Variants in LGALS3 observed in about 807,000 individuals in gnomAD.
LGALS3 encodes the protein galectin 3.
In LGALS3, 18 loss-of-function variants were observed where a neutral mutation model predicts 20.7. That is an observed-to-expected ratio of 0.87 (90% confidence interval 0.60 to 1.29). LGALS3 has a LOEUF of 1.29. Ranked by LOEUF, LGALS3 falls within the 50% of genes most tolerant of loss-of-function variation. The pLI, the probability that LGALS3 is intolerant of heterozygous loss-of-function variation, is 0.00. For missense variants in LGALS3, 315 were observed against 314.7 expected (o/e 1.00, Z -0.01); for synonymous variants, 112 against 119.6 (o/e 0.94, Z 0.42).
chr14:55,144,163 CAG>C (rs1038603179), intron 5 of LGALS3, among the ~76,000 whole-genome samples: 1 of 152,164 alleles, frequency 6.6e-6, no homozygotes, highest in Non-Finnish European at 1.5e-5. Context: ...TGTTTTGAGA[CAG>C]GGTCTCACAC....
At chr14:55,136,679 TTA>T (rs1441509933) in intron 1 of LGALS3, among the ~76,000 whole-genome samples, 2 of 152,324 alleles carry the variant, frequency 1.3e-5, no homozygotes, top group Middle Eastern at 3.4e-3. Context: ...AGTTATACTT[TTA>T]GTTATTTTCA....
intron 3 of LGALS3, 126 bp from the exon 4 acceptor site, chr14:55,140,149 C>A: frequency 1.6e-6 from 1 of 609,996 alleles, no homozygotes; most frequent in Non-Finnish European, 2.9e-6. Flanking sequence ...AGAGTCTGGA[C>A]AGATGGCATA....
intron 1 of LGALS3, among the ~76,000 whole-genome samples, chr14:55,135,682 A>G (rs1200629147): frequency 6.8e-6 from 1 of 146,360 alleles, no homozygotes. Flanking sequence ...CTCCCACCTC[A>G]GCCCCTCGAG....
In LGALS3 at chr14:55,137,736, C is replaced by T. The variant is rs78054476; in HGVS notation, c.19-309C>T. On this transcript the variant is annotated intron_variant, in intron 2 of 5. Transcript: ENST00000254301. The stretch of plus-strand genomic sequence containing the variant: ...CTGATGTTTGTGATTGTTTTTCTCA[C>T]GGTGATGAAAAAGTATGTGCTATAA... 7.0e-5 allele frequency: 93 copies of T among 1,331,722 alleles called. 1 individual carries two copies. The East Asian group carries it at 2.1e-3, about 30-fold the overall frequency. 82.5% of individuals were successfully genotyped at this position (1,331,722 alleles called of 1,614,324 possible).
intron 4 of LGALS3, among the ~76,000 whole-genome samples, chr14:55,140,829 G>A (rs2140295394): frequency 6.6e-6 from 1 of 152,148 alleles, no homozygotes; most frequent in South Asian, 2.1e-4. Context: ...TTTACTATTG[G>A]AAGTAGTTTG....
intron 2 of LGALS3, 32 bp downstream of exon 2, chr14:55,137,423 A>ATCAG (rs1312905821): frequency 6.2e-7 from 1 of 1,614,152 alleles, no homozygotes; most frequent in East Asian, 2.2e-5. Flanking sequence ...CTTCCCCTTG[A>ATCAG]TCAGCTCCAC....
intron 3 of LGALS3, 35 bp downstream of exon 3, chr14:55,138,403 T>C (rs1414242863): frequency 1.9e-6 from 3 of 1,608,348 alleles, no homozygotes; most frequent in East Asian, 2.2e-5. Context: ...GTACTTGACA[T>C]GCAGAGGGCT....
chr14:55,129,821 A>T lies in LGALS3; in HGVS notation c.-5+521A>T, dbSNP rs1218168838. ...ATCACGGCCGCGGGGGAGCGAAGGG[A>T]CTTCCCAGGACTGCATAGGGCGCCT... On this transcript the variant is annotated intron_variant, in intron 1 of 5. Coordinates refer to ENST00000254301, the MANE Select transcript of LGALS3 (RefSeq NM_002306.4). The surrounding 1 kb of genome is among the most constrained non-coding windows in gnomAD (Gnocchi z 5.3). 6.6e-6 allele frequency among the ~76,000 whole-genome samples: 1 copy of T among 152,084 alleles called. No homozygotes were observed. Among genetic ancestry groups the T allele is most frequent in the Non-Finnish European group, 1.5e-5 (1 of 68,000 alleles).
In LGALS3 at chr14:55,145,193, TA is replaced by T. The variant is rs757523679; in HGVS notation, c.681del (p.Lys227AsnfsTer14). 20 of 1,613,932 alleles carry T rather than the reference TA, an allele frequency of 1.2e-5. No individual in the cohort carries two copies. Among genetic ancestry groups the T allele is most frequent in the Non-Finnish European group, 1.7e-5 (20 of 1,179,924 alleles). ...ACTTGTTGCAGTACAATCATCGGGT[TA>T]AAAAACTCAATGAAATCAGCAAACT... is the stretch of plus-strand genomic sequence containing the variant. ...AHLLQYNHRV[K>X]KLNEISKLGI... On this transcript the variant is annotated frameshift_variant, in exon 6 of 6. Coordinates refer to ENST00000254301, the MANE Select transcript of LGALS3 (RefSeq NM_002306.4). LOFTEE classifies it high-confidence loss of function.
intron 5 of LGALS3, among the ~76,000 whole-genome samples, chr14:55,144,138 A>C (rs189604436): frequency 2.6e-5 from 4 of 152,252 alleles, no homozygotes; most frequent in African/African-American, 9.6e-5. Flanking sequence ...TTTAGACCAT[A>C]TCAGAACTTT....
chr14:55,144,706 A>G (rs1314267030), intron 5 of LGALS3, among the ~76,000 whole-genome samples: 1 of 152,098 alleles, frequency 6.6e-6, no homozygotes, highest in Non-Finnish European at 1.5e-5. Context: ...TGGGACTACA[A>G]GGTGCCCGCC....
intron 3 of LGALS3, 106 bp downstream of exon 3, chr14:55,138,474 G>C: frequency 2.6e-6 from 3 of 1,173,020 alleles, no homozygotes; most frequent in Non-Finnish European, 3.8e-6. Flanking sequence ...GCCAGCCATG[G>C]GTGTATGTTG....
At chr14:55,140,816 A>G (rs1881597163) in intron 4 of LGALS3, among the ~76,000 whole-genome samples, 1 of 152,192 alleles carries the variant, frequency 6.6e-6, no homozygotes, top group East Asian at 1.9e-4. Context: ...TTATAAATCA[A>G]CCTTTACTAT....
chr14:55,138,316 C>A lies in LGALS3; in HGVS notation c.290C>A (p.Ala97Asp). The A allele has an allele frequency of 6.2e-7, 1 of 1,612,448 alleles. No homozygotes were observed. Among genetic ancestry groups the A allele is most frequent in the Non-Finnish European group, 8.5e-7 (1 of 1,179,730 alleles). The change falls in exon 3 of 6, where the codon GCC becomes GAC. Residue 97 changes from alanine (A) to aspartate (D), a missense_variant. By Grantham distance (126) the Ala-to-Asp change is moderately radical (BLOSUM62 -2). Coordinates refer to ENST00000254301, the MANE Select transcript of LGALS3 (RefSeq NM_002306.4). ...GAYPSSGQPS[A>D]TGAYPATGPY... ...TACCCATCTTCTGGACAGCCAAGTG[C>A]CACCGGAGCCTACCCTGCCACTGGC...
intron 4 of LGALS3, among the ~76,000 whole-genome samples, chr14:55,140,708 T>A (rs1881592388): frequency 6.6e-6 from 1 of 152,192 alleles, no homozygotes; most frequent in Admixed American, 6.5e-5. Context: ...AGGTTCAGGT[T>A]CTACAGATGA....
intron 4 of LGALS3, 97 bp from the exon 5 acceptor site, chr14:55,142,487 T>A: frequency 1.0e-6 from 1 of 973,536 alleles, no homozygotes; most frequent in Non-Finnish European, 1.5e-6. Flanking sequence ...GGTACTGTAT[T>A]ATGAAATTAT....
intron 5 of LGALS3, among the ~76,000 whole-genome samples, chr14:55,143,951 T>TCCTAGAAGCAAGTC (rs1388530685): frequency 4.5e-4 from 68 of 151,446 alleles, no homozygotes; most frequent in African/African-American, 1.3e-3. Flanking sequence ...AATCTTTGCT[T>TCCTAGAAGCAAGTC]TAAATATACA....
At chr14:55,134,337 GA>G (rs1174554363) in intron 1 of LGALS3, among the ~76,000 whole-genome samples, 1 of 152,216 alleles carries the variant, frequency 6.6e-6, no homozygotes, top group Non-Finnish European at 1.5e-5. Flanking sequence ...CATCTGACCT[GA>G]AGTGTCAGTG....
intron 5 of LGALS3, 126 bp from the exon 6 acceptor site, chr14:55,144,990 C>T (rs1279986465): frequency 8.2e-6 from 6 of 731,190 alleles, no homozygotes; most frequent in Admixed American, 2.5e-5. Context: ...ACATTTTTTC[C>T]CTTTATTTCA....
Sources: allele counts gnomAD v4.1 joint callset (sites outside exome capture counted in the v4.1 genomes callset), GRCh38; gene constraint gnomAD v4.1.1; non-coding constraint Gnocchi (gnomAD v3.1); transcripts MANE v1.5; gene names NCBI Gene and HGNC (gene_info 2026-07-23, HGNC 2026-07-21).